MACROD2: variants seen among roughly 807,000 people sequenced by gnomAD.
The protein encoded by MACROD2 is ADP-ribose glycohydrolase MACROD2.
Under a neutral mutation model 70.4 loss-of-function variants are expected in MACROD2, and 36 were observed. That is an observed-to-expected ratio of 0.51 (90% CI 0.39 to 0.68). MACROD2 has a LOEUF of 0.68. MACROD2 is among the 30% of genes least tolerant of loss of function. The pLI is 0.00. For missense variants in MACROD2, 496 were observed against 538.4 expected (o/e 0.92, Z 0.78); for synonymous variants, 172 against 178.8 (o/e 0.96, Z 0.30).
chr20:14,166,499 C>T (rs2055271957), intron 3 of MACROD2, among the ~76,000 whole-genome samples: 1 of 152,158 alleles, frequency 6.6e-6, no homozygotes, highest in Non-Finnish European at 1.5e-5. Flanking sequence ...TTACTTCTTT[C>T]AAGTTAATTC....
chr20:15,436,657 C>T (rs1479286402), intron 7 of MACROD2, among the ~76,000 whole-genome samples: 1 of 152,148 alleles, frequency 6.6e-6, no homozygotes, highest in Admixed American at 6.6e-5. Context: ...GTATTACAGA[C>T]TAGTTTTCTT....
At chr20:15,587,320 C>T (rs2048616168) in intron 8 of MACROD2, among the ~76,000 whole-genome samples, 1 of 152,150 alleles carries the variant, frequency 6.6e-6, no homozygotes. Context: ...CTGGGTCCCT[C>T]CCACAACACG....
intron 4 of MACROD2, among the ~76,000 whole-genome samples, chr20:14,594,486 C>A (rs755608124): frequency 6.6e-6 from 1 of 152,110 alleles, no homozygotes; most frequent in Non-Finnish European, 1.5e-5. Context: ...TATGTGGTGT[C>A]CATCACAATC....
At chr20:14,323,955 C>T (rs1432551738) in intron 3 of MACROD2, 1 of 152,122 alleles carries the variant, frequency 6.6e-6, no homozygotes. Context: ...ACATGAAACA[C>T]TGAACTCTTT....
intron 4 of MACROD2, 117 bp from the exon 5 acceptor site, chr20:14,684,726 C>A: frequency 1.4e-6 from 1 of 704,304 alleles, no homozygotes; most frequent in Non-Finnish European, 2.3e-6. Flanking sequence ...GGTTTTCTTC[C>A]ACGGGCTATG....
At chr20:15,438,409 A>C (rs2046454949) in intron 7 of MACROD2, among the ~76,000 whole-genome samples, 1 of 152,048 alleles carries the variant, frequency 6.6e-6, no homozygotes, top group African/African-American at 2.4e-5. Flanking sequence ...CGTGGTTTTG[A>C]TTTGCATTTG....
intron 6 of MACROD2, among the ~76,000 whole-genome samples, chr20:15,243,092 C>T (rs369012763): frequency 1.7e-3 from 263 of 152,212 alleles, no homozygotes; most frequent in South Asian, 0.017. Context: ...CAGGCTGCAC[C>T]CAGGAACGAA....
chr20:14,448,646 C>T lies in MACROD2; in HGVS notation c.272-44833C>T, dbSNP rs113700500. On this transcript the variant is annotated intron_variant, in intron 3 of 17. Coordinates refer to ENST00000684519, the MANE Select transcript of MACROD2 (RefSeq NM_001351661.2). ...TCATGCCACTGCACTCCAGCCTGGG[C>T]AATAGATCGACACTCCCTCTCAGAA... Among the ~76,000 whole-genome samples the T allele has an allele frequency of 5.5e-3, 826 of 150,426 alleles. 14 individuals carry two copies. The highest frequency in any genetic ancestry group is 0.019 in the African/African-American group (788 of 40,656).
chr20:15,209,913 G>T (rs1430051561), intron 5 of MACROD2, among the ~76,000 whole-genome samples: 1 of 152,180 alleles, frequency 6.6e-6, no homozygotes, highest in African/African-American at 2.4e-5. Flanking sequence ...CTAATGCCAG[G>T]ATGGTTCTCC....
At chr20:15,853,900 G>T (rs1216239589) in intron 8 of MACROD2, among the ~76,000 whole-genome samples, 1 of 152,166 alleles carries the variant, frequency 6.6e-6, no homozygotes, top group East Asian at 1.9e-4. Flanking sequence ...TTAGAGATGA[G>T]CAGACTGAGG....
rs552747097 is a variant in MACROD2, at chr20:14,454,915, G to C, written c.272-38564G>C. ...CTACAGGTGCCCACCACCACGCCTG[G>C]CTAATTTTTTGTATTTTTAGTAGAG... On this transcript the variant is annotated intron_variant, in intron 3 of 17. Transcript: ENST00000684519. Among the ~76,000 whole-genome samples, 4 of 152,034 alleles carry C rather than the reference G, an allele frequency of 2.6e-5. No individual in the cohort carries two copies. In the South Asian group the frequency reaches 8.3e-4, roughly 32 times the overall value.
chr20:14,652,362 G>A (rs374332771), intron 4 of MACROD2, among the ~76,000 whole-genome samples: 8 of 152,032 alleles, frequency 5.3e-5, no homozygotes, highest in South Asian at 2.1e-4. Context: ...TTCTTTTGTC[G>A]AACTGCAGCT....
intron 5 of MACROD2, among the ~76,000 whole-genome samples, chr20:14,913,886 G>A (rs1381155849): frequency 2.0e-5 from 3 of 146,758 alleles, no homozygotes; most frequent in Non-Finnish European, 1.5e-5. Context: ...GAACCATCTT[G>A]GGGGAAGAAT....
At chr20:14,889,534 A>G (rs1336130078) in intron 5 of MACROD2, among the ~76,000 whole-genome samples, 2 of 152,118 alleles carry the variant, frequency 1.3e-5, no homozygotes, top group Non-Finnish European at 2.9e-5. Context: ...CTTAAAAGAG[A>G]TAAAGGAATG....
intron 7 of MACROD2, among the ~76,000 whole-genome samples, chr20:15,458,658 G>T (rs1247864862): frequency 6.8e-6 from 1 of 146,588 alleles, no homozygotes; most frequent in Non-Finnish European, 1.5e-5. Context: ...AAAAGATTGT[G>T]CCATTTATTC....
chr20:16,034,919 T>C (rs1182812039), intron 15 of MACROD2, among the ~76,000 whole-genome samples: 2 of 151,252 alleles, frequency 1.3e-5, no homozygotes, highest in Non-Finnish European at 2.9e-5. Context: ...TCTTTGGTTC[T>C]CCATTCCTGA....
At chr20:15,476,922 G>A (rs1319789495) in intron 7 of MACROD2, among the ~76,000 whole-genome samples, 3 of 152,072 alleles carry the variant, frequency 2.0e-5, no homozygotes, top group Non-Finnish European at 4.4e-5. Context: ...TTGTAAGAAA[G>A]AGGAAAAATC....
intron 5 of MACROD2, among the ~76,000 whole-genome samples, chr20:15,186,866 AT>A (rs1345830442): frequency 1.3e-5 from 2 of 152,230 alleles, no homozygotes; most frequent in African/African-American, 2.4e-5. Flanking sequence ...CTTCAAAAGT[AT>A]GCTAGCTATT....
chr20:14,988,341 G>T (rs967979942), intron 5 of MACROD2, among the ~76,000 whole-genome samples: 4 of 106,568 alleles, frequency 3.8e-5, no homozygotes, highest in African/African-American at 7.6e-5. Flanking sequence ...TCCAGCCAGA[G>T]AATGAGACTC....
Sources: allele counts gnomAD v4.1 joint callset (sites outside exome capture counted in the v4.1 genomes callset), GRCh38; gene constraint gnomAD v4.1.1; transcripts MANE v1.5; gene names NCBI Gene and HGNC (gene_info 2026-07-23, HGNC 2026-07-21).